The following KAZN variants were observed in gnomAD, a reference collection of about 807,000 sequenced individuals.
KAZN encodes the protein kazrin.
Under a neutral mutation model 87.4 loss-of-function variants are expected in KAZN, and 40 were observed. The observed-to-expected ratio is 0.46, with a 90% confidence interval of 0.36 to 0.60. The LOEUF (loss-of-function observed/expected upper bound fraction) is 0.60. Among genes scored for constraint, KAZN ranks in the 20% least tolerant of loss-of-function variants. The pLI is 0.00. For missense variants in KAZN, 898 were observed against 1,073.9 expected (o/e 0.84, Z 2.29); for synonymous variants, 466 against 458.3 (o/e 1.02, Z -0.22).
intron 1 of KAZN, among the ~76,000 whole-genome samples, chr1:14,772,343 G>A (rs1440233652): frequency 6.6e-6 from 1 of 152,112 alleles, no homozygotes; most frequent in Non-Finnish European, 1.5e-5. Context: ...AATTAGCCAG[G>A]AGTGGTGGCA....
chr1:13,903,864 C>T (rs982186442), intron 1 of KAZN, among the ~76,000 whole-genome samples: 3 of 152,036 alleles, frequency 2.0e-5, no homozygotes, highest in Non-Finnish European at 2.9e-5. Flanking sequence ...ACCTTGATTC[C>T]ATGGTGAGAA....
At chr1:15,103,271 G>T in intron 11 of KAZN, 88 bp from the exon 12 acceptor site, 1 of 929,478 alleles carries the variant, frequency 1.1e-6, no homozygotes, top group Non-Finnish European at 1.7e-6. Flanking sequence ...TGTCTCGGGG[G>T]GAAAAAGAGA....
chr1:14,839,106 G>T (rs1397570719), intron 1 of KAZN, among the ~76,000 whole-genome samples: 1 of 152,170 alleles, frequency 6.6e-6, no homozygotes, highest in Non-Finnish European at 1.5e-5. Context: ...AACCTGCCCT[G>T]CCTGTCCTGC....
intron 1 of KAZN, among the ~76,000 whole-genome samples, chr1:14,065,323 A>C (rs1202541995): frequency 6.6e-6 from 1 of 152,212 alleles, no homozygotes; most frequent in Non-Finnish European, 1.5e-5. Context: ...ACCTTAGAAC[A>C]GAAAGCATAA....
chr1:14,140,077 TAGGAACTGTAGAG>T (rs997176429), intron 1 of KAZN, among the ~76,000 whole-genome samples: 1 of 152,052 alleles, frequency 6.6e-6, no homozygotes, highest in Non-Finnish European at 1.5e-5. Flanking sequence ...AGTCTGGCTC[TAGGAACTGTAGAG>T]AGGCAGGTGT....
rs184115809 is a variant in KAZN, at chr1:14,091,722, C to T, written c.92-88713C>T. 2.7e-3 allele frequency among the ~76,000 whole-genome samples: 408 copies of T among 152,228 alleles called. 10 individuals are homozygous for T. In the South Asian group the frequency reaches 0.066, roughly 25 times the overall value. Reference sequence around the variant, plus strand: ...GTTTGTTAAATCTATGGACCCCCTCCTAGGAAAAATGCACATGGTCATGTA... The same window carrying T: ...GTTTGTTAAATCTATGGACCCCCTCTTAGGAAAAATGCACATGGTCATGTA... On this transcript the variant is annotated intron_variant, in intron 1 of 16. Coordinates refer to the KAZN transcript ENST00000636203.
intron 2 of KAZN, among the ~76,000 whole-genome samples, chr1:14,393,048 G>A (rs778298354): frequency 5.3e-5 from 8 of 152,228 alleles, no homozygotes; most frequent in African/African-American, 4.8e-5. Flanking sequence ...CCCTCCTTCC[G>A]GACTGTTCTC....
intron 2 of KAZN, among the ~76,000 whole-genome samples, chr1:14,231,388 C>T (rs1213406189): frequency 8.6e-5 from 5 of 58,208 alleles, no homozygotes; most frequent in Non-Finnish European, 1.3e-4. Flanking sequence ...GGGGGAGGCT[C>T]TATCTCATTT....
At chr1:14,063,946 C>CCT (rs200787620) in intron 1 of KAZN, among the ~76,000 whole-genome samples, 122 of 144,202 alleles carry the variant, frequency 8.5e-4, no homozygotes, top group African/African-American at 2.4e-3. Context: ...ATCTACGAAA[C>CCT]CTCTCTCTCG....
At chr1:14,383,227 A>G (rs1219550219) in intron 2 of KAZN, among the ~76,000 whole-genome samples, 1 of 151,252 alleles carries the variant, frequency 6.6e-6, no homozygotes, top group Non-Finnish European at 1.5e-5. Flanking sequence ...CCTTTGTCAG[A>G]TGAGTAGGTT....
intron 1 of KAZN, among the ~76,000 whole-genome samples, chr1:14,108,899 G>A (rs547295785): frequency 6.6e-6 from 1 of 152,244 alleles, no homozygotes; most frequent in Admixed American, 6.5e-5. Context: ...CATATTTCTA[G>A]TTCCATCATG....
intron 2 of KAZN, among the ~76,000 whole-genome samples, chr1:14,545,617 G>A (rs760630495): frequency 2.6e-4 from 40 of 152,108 alleles, no homozygotes; most frequent in African/African-American, 3.6e-4. Context: ...GTATCTGTCC[G>A]TATAGGCTAG....
At chr1:14,998,160 G>A (rs1668090457) in intron 2 of KAZN, among the ~76,000 whole-genome samples, 1 of 152,120 alleles carries the variant, frequency 6.6e-6, no homozygotes, top group South Asian at 2.1e-4. Flanking sequence ...GGGGGGGAGG[G>A]GCAGCGCGGG....
chr1:14,692,867 A>T (rs937695426), intron 1 of KAZN, among the ~76,000 whole-genome samples: 2 of 152,190 alleles, frequency 1.3e-5, no homozygotes, highest in African/African-American at 4.8e-5. Flanking sequence ...TGGGAGGTGG[A>T]GGTTGCAGTA....
chr1:14,247,129 T>G (rs944243036), intron 2 of KAZN, among the ~76,000 whole-genome samples: 1 of 152,140 alleles, frequency 6.6e-6, no homozygotes, highest in African/African-American at 2.4e-5. Context: ...ACATTTCTTA[T>G]TATAAAAAAA....
intron 2 of KAZN, among the ~76,000 whole-genome samples, chr1:14,478,249 A>AGAAGGAAGGAAGGAAGGAAGGGAG (rs1668869911): frequency 9.9e-6 from 1 of 101,476 alleles, no homozygotes; most frequent in African/African-American, 4.9e-5. Flanking sequence ...AGGAAGGAAA[A>AGAAGGAAGGAAGGAAGGAAGGGAG]GAAGGAAGGA....
At position 14,946,891 on chromosome 1, in the gene KAZN, A is replaced by G. The variant is rs117227877; in HGVS notation, c.227-13793A>G. On this transcript the variant is annotated intron_variant, in intron 1 of 14. Transcript: ENST00000376030. ...AGACTTTCCTCTAGGCTTTGGTTTG[A>G]TTGTCTATAATATGGAAATAGAAAT... Among the ~76,000 whole-genome samples, 505 of 152,186 alleles carry G rather than the reference A, an allele frequency of 3.3e-3. 10 individuals are homozygous for G. The East Asian group carries it at 0.047, about 14-fold the overall frequency.
intron 2 of KAZN, among the ~76,000 whole-genome samples, chr1:14,982,397 C>T (rs563620962): frequency 1.1e-4 from 17 of 150,092 alleles, no homozygotes; most frequent in Non-Finnish European, 2.1e-4. Flanking sequence ...GAACTGGGGC[C>T]GCTGTTCTCA....
chr1:14,860,301 T>C (rs1557563554), intron 1 of KAZN, among the ~76,000 whole-genome samples: 1 of 151,904 alleles, frequency 6.6e-6, no homozygotes. Flanking sequence ...AAGCAATTCT[T>C]CCACCTCACC....
Sources: gnomAD v4.1 joint callset for allele counts (sites outside exome capture counted in the v4.1 genomes callset) on GRCh38, gnomAD v4.1.1 for gene constraint, MANE v1.5 for transcripts, NCBI Gene and HGNC (gene_info 2026-07-23, HGNC 2026-07-21) for gene names.